Variants in PTK2B observed in about 807,000 individuals in gnomAD.
PTK2B encodes the protein protein-tyrosine kinase 2-beta.
In PTK2B, 71 loss-of-function variants were observed where a neutral mutation model predicts 142.9. The ratio of observed to expected loss-of-function variants is 0.50; its 90% CI spans 0.41 to 0.61. The LOEUF (loss-of-function observed/expected upper bound fraction) is 0.61, where lower values mean the gene tolerates loss of function less well. Among genes scored for constraint, PTK2B ranks in the 20% least tolerant of loss-of-function variants. PTK2B has a pLI of 0.00. For missense variants in PTK2B, 1,105 were observed against 1,320.4 expected, an observed-to-expected ratio of 0.84 and a Z score of 2.53; for synonymous variants, 519 against 503.4, an observed-to-expected ratio of 1.03 and a Z score of -0.42.
rs770169663 is a variant in PTK2B, at chr8:27,450,796, G to A, written c.2388G>A (p.Leu796=). The change falls in exon 25 of 31, where the codon CTG becomes CTA. Residue 796 remains leucine, a synonymous_variant. Transcript: ENST00000346049. ...GCAGCCGAGAAGAGGCCCAGCAGCT[G>A]TGGGAGGCTGAAAAGGTCAAAATGC... ...QPSSREEAQQ[L]WEAEKVKMRQ... 2.5e-6 allele frequency: 4 copies of A among 1,614,206 alleles called. No homozygotes were observed. The highest frequency in any genetic ancestry group is 3.4e-6 in the Non-Finnish European group (4 of 1,180,028).
intron 2 of PTK2B, among the ~76,000 whole-genome samples, chr8:27,400,933 G>A (rs900139978): frequency 2.6e-5 from 4 of 152,114 alleles, no homozygotes; most frequent in African/African-American, 9.7e-5. Context: ...CCAGCACGAG[G>A]TCAGGCGTTC....
intron 1 of PTK2B, among the ~76,000 whole-genome samples, chr8:27,331,930 C>T (rs2130848079): frequency 6.6e-6 from 1 of 152,346 alleles, no homozygotes; most frequent in South Asian, 2.1e-4. Context: ...TCCATGTACC[C>T]AGTCCCCGCC....
upstream of PTK2B, among the ~76,000 whole-genome samples, chr8:27,321,907 CAT>C (rs1281440049): frequency 6.6e-6 from 1 of 150,802 alleles, no homozygotes; most frequent in Non-Finnish European, 1.5e-5. Flanking sequence ...ACTTCGTAAA[CAT>C]AGTGATGTCT....
intron 1 of PTK2B, among the ~76,000 whole-genome samples, chr8:27,391,523 CA>C (rs1469892543): frequency 1.3e-5 from 2 of 152,194 alleles, no homozygotes; most frequent in South Asian, 4.1e-4. Context: ...CATTACCCTA[CA>C]ATGTCTTCAA....
intron 1 of PTK2B, among the ~76,000 whole-genome samples, chr8:27,341,170 C>A (rs1441698923): frequency 6.6e-6 from 1 of 152,132 alleles, no homozygotes; most frequent in East Asian, 1.9e-4. Flanking sequence ...GCCCCTCCTC[C>A]CAGAGCTCTT....
chr8:27,391,333 G>C (rs1371495632), intron 1 of PTK2B, among the ~76,000 whole-genome samples: 1 of 152,130 alleles, frequency 6.6e-6, no homozygotes, highest in South Asian at 2.1e-4. Flanking sequence ...CTGATTTCAA[G>C]TGATCTGCCC....
chr8:27,438,725 G>C (rs983552374), intron 18 of PTK2B, among the ~76,000 whole-genome samples: 6 of 152,114 alleles, frequency 3.9e-5, no homozygotes, highest in Non-Finnish European at 8.8e-5. Context: ...ATCTGAGCCA[G>C]GCTTCAAGCT....
chr8:27,454,298 G>C lies in PTK2B; in HGVS notation c.2733+7G>C, dbSNP rs755279166. 3 of 1,612,192 alleles carry C rather than the reference G, an allele frequency of 1.9e-6. No individual in the cohort carries two copies. Among genetic ancestry groups the C allele is most frequent in the Non-Finnish European group, 2.5e-6 (3 of 1,179,444 alleles). ...CTACGTGGTGGTGGTGAAGGTGAGA[G>C]CAGGGCTGGGTTGGGGAGGTGGAGG... is the stretch of plus-strand genomic sequence containing the variant. On this transcript the variant is annotated splice_region_variant and intron_variant, in intron 29 of 30. Transcript: ENST00000346049.
chr8:27,318,602 TC>T (rs1403958866), intron 3 of PTK2B, among the ~76,000 whole-genome samples: 1 of 152,138 alleles, frequency 6.6e-6, no homozygotes, highest in East Asian at 1.9e-4. Flanking sequence ...CCATGTGTCC[TC>T]TGTGGCAACC....
intron 2 of PTK2B, among the ~76,000 whole-genome samples, chr8:27,398,863 G>T (rs1029619884): frequency 6.6e-6 from 1 of 152,214 alleles, no homozygotes; most frequent in Non-Finnish European, 1.5e-5. Context: ...CACACGCTGT[G>T]CTTCCACACA....
At chr8:27,328,203 G>A (rs2130784055) in intron 1 of PTK2B, among the ~76,000 whole-genome samples, 1 of 152,326 alleles carries the variant, frequency 6.6e-6, no homozygotes, top group South Asian at 2.1e-4. Context: ...TTAACTGAAG[G>A]GAAATGTGAA....
At chr8:27,315,932 C>T (rs1803084771) in intron 3 of PTK2B, among the ~76,000 whole-genome samples, 1 of 151,836 alleles carries the variant, frequency 6.6e-6, no homozygotes, top group African/African-American at 2.4e-5. Context: ...TTATTCTTTG[C>T]ATATGGTGGG....
At chr8:27,341,604 A>C (rs1202379856) in intron 1 of PTK2B, among the ~76,000 whole-genome samples, 8 of 152,090 alleles carry the variant, frequency 5.3e-5, no homozygotes, top group Non-Finnish European at 1.0e-4. Context: ...CAGTCCTTGG[A>C]CTCACTGCAG....
chr8:27,376,666 G>C (rs1447922506), intron 1 of PTK2B, among the ~76,000 whole-genome samples: 1 of 152,176 alleles, frequency 6.6e-6, no homozygotes, highest in African/African-American at 2.4e-5. Flanking sequence ...ATGGCGATGA[G>C]AGTGTCCTCT....
chr8:27,342,161 C>T (rs907194142), intron 1 of PTK2B, among the ~76,000 whole-genome samples: 1 of 152,202 alleles, frequency 6.6e-6, no homozygotes, highest in Non-Finnish European at 1.5e-5. Context: ...CTTTGCAATT[C>T]CATTCCTTAG....
intron 2 of PTK2B, among the ~76,000 whole-genome samples, chr8:27,400,193 G>A (rs1808289482): frequency 6.6e-6 from 1 of 152,208 alleles, no homozygotes; most frequent in Non-Finnish European, 1.5e-5. Flanking sequence ...GGAAGGGAAT[G>A]TGTGGTCAAA....
chr8:27,324,699 G>A (rs1416759973), upstream of PTK2B, among the ~76,000 whole-genome samples: 2 of 152,188 alleles, frequency 1.3e-5, no homozygotes, highest in Admixed American at 6.5e-5. Flanking sequence ...ACAGGACACA[G>A]AATAAAGAAG....
At chr8:27,335,408 C>G (rs1383269253) in intron 1 of PTK2B, among the ~76,000 whole-genome samples, 1 of 152,098 alleles carries the variant, frequency 6.6e-6, no homozygotes, top group Non-Finnish European at 1.5e-5. Flanking sequence ...GCCTGACCAA[C>G]ATGGAGAAAC....
At chr8:27,401,565 G>A (rs985371800) in intron 2 of PTK2B, among the ~76,000 whole-genome samples, 17 of 152,210 alleles carry the variant, frequency 1.1e-4, no homozygotes, top group Admixed American at 7.9e-4. Flanking sequence ...TGTTCACTGC[G>A]GAGGGAACAG....
Sources: allele counts gnomAD v4.1 joint callset (sites outside exome capture counted in the v4.1 genomes callset), GRCh38; gene constraint gnomAD v4.1.1; transcripts MANE v1.5; gene names NCBI Gene and HGNC (gene_info 2026-07-23, HGNC 2026-07-21).